Variants in KNDC1 observed in about 807,000 individuals in gnomAD.
KNDC1 encodes kinase non-catalytic C-lobe domain containing 1, also known as kinase non-catalytic C-lobe domain-containing protein 1.
Under a neutral mutation model 172.8 loss-of-function variants are expected in KNDC1, and 106 were observed. That is an observed-to-expected ratio of 0.61 (90% CI 0.52 to 0.72). The LOEUF (loss-of-function observed/expected upper bound fraction) is 0.72. KNDC1 is among the 30% of genes least tolerant of loss of function. The probability of loss-of-function intolerance (pLI) is 0.00; values close to 1 mark genes in which losing one functional copy is unlikely to be tolerated. For synonymous variants in KNDC1, 1,083 were observed against 1,062.2 expected, an observed-to-expected ratio of 1.02 and a Z score of -0.38; for missense variants, 2,325 against 2,394.5, an observed-to-expected ratio of 0.97 and a Z score of 0.61.
Position 133,188,527 on chromosome 10 carries a change from T to TCCTG in KNDC1, c.1327-9_1327-6dup. On this transcript the variant is annotated splice_polypyrimidine_tract_variant and intron_variant, in intron 6 of 29. Coordinates refer to ENST00000304613, the MANE Select transcript of KNDC1 (RefSeq NM_152643.8). ...GGTGTCCACACTGACCTCGCCGCTC[T>TCCTG]CCTGCCCACAGTGGGTGTCCCTGCA... 6.5e-7 allele frequency: 1 copy of TCCTG among 1,536,216 alleles called. No homozygotes were observed. Among genetic ancestry groups the TCCTG allele is most frequent in the South Asian group, 1.2e-5 (1 of 83,724 alleles).
At chr10:133,189,424 G>A (rs1306078268) in intron 7 of KNDC1, among the ~76,000 whole-genome samples, 174 bp from the exon 8 acceptor site, 4 of 152,148 alleles carry the variant, frequency 2.6e-5, no homozygotes, top group African/African-American at 4.8e-5. Flanking sequence ...AGGCAGCTCC[G>A]AGGACCCCGG....
chr10:133,223,738 TGTGA>T (rs1845660727), intron 29 of KNDC1, among the ~76,000 whole-genome samples: 1 of 96,972 alleles, frequency 1.0e-5, no homozygotes, highest in African/African-American at 4.3e-5. Context: ...TGTGTGTGTG[TGTGA>T]GAGCCCATCC....
At position 133,163,473 on chromosome 10, in the gene KNDC1, C is replaced by G. The variant is rs1033470040; in HGVS notation, c.102+2904C>G. On this transcript the variant is annotated intron_variant, in intron 1 of 29. Coordinates refer to ENST00000304613, the MANE Select transcript of KNDC1 (RefSeq NM_152643.8). The surrounding 1 kb of genome is among the most constrained non-coding windows in gnomAD (Gnocchi z 4.4). ...CATCTGTGCCAGGATGAGCTCAGAG[C>G]AGAAGGCACCTCGGGAGCAGAGGTG... Among the ~76,000 whole-genome samples, 32 of 152,264 alleles carry G rather than the reference C, an allele frequency of 2.1e-4. 1 individual carries two copies. The highest frequency in any genetic ancestry group is 7.2e-4 in the African/African-American group (30 of 41,550).
At chr10:133,167,278 C>A in intron 1 of KNDC1, 103 bp from the exon 2 acceptor site, 1 of 1,152,512 alleles carries the variant, frequency 8.7e-7, no homozygotes, top group Non-Finnish European at 1.2e-6. Flanking sequence ...CGCGTTGAAA[C>A]GCTGCCACGA....
intron 9 of KNDC1, among the ~76,000 whole-genome samples, chr10:133,191,753 G>A (rs1854075607): frequency 6.6e-6 from 1 of 152,176 alleles, no homozygotes; most frequent in African/African-American, 2.4e-5. Context: ...GTAATCAGAG[G>A]ACCAGGGAGG....
intron 9 of KNDC1, among the ~76,000 whole-genome samples, chr10:133,193,973 T>C (rs1854123872): frequency 6.6e-6 from 1 of 152,216 alleles, no homozygotes; most frequent in African/African-American, 2.4e-5. Context: ...ACAATTATAG[T>C]TGGAGATGCC....
At chr10:133,178,592 G>A (rs777370252) in intron 3 of KNDC1, among the ~76,000 whole-genome samples, 8 of 152,118 alleles carry the variant, frequency 5.3e-5, no homozygotes, top group Non-Finnish European at 1.0e-4. Context: ...CCCCTCTGCT[G>A]CCCGAATCTT....
intron 16 of KNDC1, 127 bp from the exon 17 acceptor site, chr10:133,201,374 C>A: frequency 9.5e-7 from 1 of 1,055,950 alleles, no homozygotes; most frequent in Non-Finnish European, 1.4e-6. Flanking sequence ...GGGGGGCGCC[C>A]GTGGTGGGCG....
intron 2 of KNDC1, 120 bp from the exon 3 acceptor site, chr10:133,168,134 A>G: frequency 1.2e-6 from 1 of 834,094 alleles, no homozygotes; most frequent in Non-Finnish European, 2.1e-6. Flanking sequence ...TGGTCTGGGG[A>G]CACCAGGTCT....
intron 3 of KNDC1, among the ~76,000 whole-genome samples, chr10:133,169,060 G>C (rs1175610315): frequency 6.6e-6 from 1 of 152,230 alleles, no homozygotes; most frequent in East Asian, 1.9e-4. Context: ...GAAGCCCATG[G>C]GCAGAGAAAG....
intron 10 of KNDC1, among the ~76,000 whole-genome samples, chr10:133,196,328 C>T (rs955107087): frequency 1.3e-4 from 20 of 152,254 alleles, no homozygotes; most frequent in African/African-American, 4.8e-4. Flanking sequence ...GGGACCTGCA[C>T]CCGCACCCGG....
At chr10:133,184,137 C>T in intron 5 of KNDC1, 148 bp downstream of exon 5, 1 of 475,444 alleles carries the variant, frequency 2.1e-6, no homozygotes. Context: ...CACACACATG[C>T]CACACACACC....
intron 9 of KNDC1, among the ~76,000 whole-genome samples, chr10:133,190,752 T>C (rs1274045141): frequency 3.3e-5 from 5 of 152,224 alleles, no homozygotes; most frequent in Non-Finnish European, 7.3e-5. Flanking sequence ...CAATAGATCG[T>C]TCACCTTTAC....
intron 9 of KNDC1, among the ~76,000 whole-genome samples, chr10:133,190,588 C>T (rs898227346): frequency 1.3e-5 from 2 of 152,190 alleles, no homozygotes; most frequent in African/African-American, 2.4e-5. Context: ...AGCCGGTGAC[C>T]GGGAAAAAGC....
At chr10:133,195,876 G>A in intron 10 of KNDC1, 55 bp downstream of exon 10, 2 of 1,430,376 alleles carry the variant, frequency 1.4e-6, no homozygotes, top group South Asian at 2.8e-5. Flanking sequence ...GTGGGCAGTG[G>A]CCGCCCTCGC....
intron 1 of KNDC1, among the ~76,000 whole-genome samples, chr10:133,164,862 C>T (rs1853097035): frequency 6.6e-6 from 1 of 152,316 alleles, no homozygotes; most frequent in African/African-American, 2.4e-5. Flanking sequence ...CTGCTGAGTG[C>T]TGCCTGTGTC....
At position 133,210,624 on chromosome 10, in the gene KNDC1, G is replaced by C; in HGVS notation, c.3808G>C (p.Glu1270Gln). The change falls in exon 21 of 30, where the codon GAG becomes CAG. Residue 1270 changes from glutamate to glutamine, a missense_variant. Coordinates refer to ENST00000304613, the MANE Select transcript of KNDC1 (RefSeq NM_152643.8). ...CCCGCCCCACAGTGATGCCTTCCTG[G>C]AGGGTTATGTGCAGCAATTCCTCTA... ...AYLYSSDAFL[E>Q]GYVQQFLYTF... The C allele has an allele frequency of 6.2e-7, 1 of 1,613,110 alleles. No individual in the cohort carries two copies.
chr10:133,221,542 G>A (rs987944544), intron 29 of KNDC1, among the ~76,000 whole-genome samples: 1 of 151,986 alleles, frequency 6.6e-6, no homozygotes, highest in Non-Finnish European at 1.5e-5. Context: ...ATCGCCTGCC[G>A]TTGTCCACAC....
At chr10:133,202,499 G>A (rs1222714214) in intron 17 of KNDC1, 3 of 413,376 alleles carry the variant, frequency 7.3e-6, no homozygotes, top group East Asian at 7.1e-5. Flanking sequence ...CCACAGCCCC[G>A]ACCTGGGCTG....
Sources: gnomAD v4.1 joint callset for allele counts (sites outside exome capture counted in the v4.1 genomes callset) on GRCh38, gnomAD v4.1.1 for gene constraint, Gnocchi (gnomAD v3.1) non-coding constraint, MANE v1.5 for transcripts, NCBI Gene and HGNC (gene_info 2026-07-23, HGNC 2026-07-21) for gene names.